DAAM1: variants seen among roughly 807,000 people sequenced by gnomAD.
DAAM1 encodes the protein disheveled-associated activator of morphogenesis 1.
Under a neutral mutation model 130.0 loss-of-function variants are expected in DAAM1, and 52 were observed. The ratio of observed to expected loss-of-function variants is 0.40; its 90% confidence interval spans 0.32 to 0.50. The LOEUF (loss-of-function observed/expected upper bound fraction) is 0.50. DAAM1 is among the 20% of genes least tolerant of loss of function. The pLI is 0.61. For synonymous variants in DAAM1, 452 were observed against 444.5 expected (o/e 1.02, Z -0.21); for missense variants, 1,134 against 1,303.8 (o/e 0.87, Z 2.01).
At chr14:59,306,207 C>T (rs911461771) in intron 3 of DAAM1, among the ~76,000 whole-genome samples, 3 of 152,138 alleles carry the variant, frequency 2.0e-5, no homozygotes, top group African/African-American at 7.2e-5. Context: ...CAGAACCTCT[C>T]AACTCTAAAG....
intron 21 of DAAM1, among the ~76,000 whole-genome samples, chr14:59,360,280 A>T (rs369222869): frequency 9.8e-5 from 15 of 152,360 alleles, no homozygotes; most frequent in African/African-American, 3.6e-4. Flanking sequence ...TAAAAAAAAG[A>T]TGAAAATAAA....
intron 1 of DAAM1, among the ~76,000 whole-genome samples, chr14:59,255,233 T>C (rs2139489042): frequency 6.6e-6 from 1 of 152,330 alleles, no homozygotes; most frequent in East Asian, 1.9e-4. Flanking sequence ...AACATCCTTT[T>C]GTGATCAAGT....
intron 1 of DAAM1, among the ~76,000 whole-genome samples, chr14:59,262,922 A>G (rs897674860): frequency 1.3e-5 from 2 of 152,202 alleles, no homozygotes; most frequent in Non-Finnish European, 2.9e-5. Flanking sequence ...ACCACAGCCT[A>G]ACAGGAAGAC....
intron 20 of DAAM1, among the ~76,000 whole-genome samples, chr14:59,357,602 C>T (rs1566722337): frequency 2.0e-5 from 3 of 152,252 alleles, no homozygotes; most frequent in Non-Finnish European, 4.4e-5. Context: ...CGTGGTGAAA[C>T]CTCGTCTCTA....
Position 59,355,248 on chromosome 14 carries a change from A to T in DAAM1, c.2440A>T (p.Met814Leu). The T allele has an allele frequency of 6.2e-7, 1 of 1,614,164 alleles. No homozygotes were observed. ...LEVVLAFGNYMNKGQRGNAYG... is the reference protein window; with the variant it reads ...LEVVLAFGNYLNKGQRGNAYG... ...GGTGGTTTTGGCATTTGGAAATTAT[A>T]TGAATAAAGGTCAAAGAGGGAATGC... Residue 814 changes from methionine to leucine, a missense_variant, in exon 20 of 25, where the codon ATG (methionine) becomes TTG (leucine). Met to Leu is a conservative substitution (Grantham distance 15). Transcript: ENST00000360909.
intron 21 of DAAM1, 75 bp downstream of exon 21, chr14:59,359,579 C>A: frequency 9.3e-7 from 1 of 1,078,810 alleles, no homozygotes; most frequent in Non-Finnish European, 1.4e-6. Flanking sequence ...GTTTGCACTG[C>A]ATGAAGTCAG....
At chr14:59,317,763 G>C (rs1011670087) in intron 4 of DAAM1, among the ~76,000 whole-genome samples, 3 of 152,122 alleles carry the variant, frequency 2.0e-5, no homozygotes, top group Non-Finnish European at 4.4e-5. Flanking sequence ...ATTAGGAGGT[G>C]GTCATCTAAT....
At chr14:59,308,528 A>G (rs1239590219) in intron 3 of DAAM1, among the ~76,000 whole-genome samples, 3 of 152,108 alleles carry the variant, frequency 2.0e-5, no homozygotes, top group Non-Finnish European at 2.9e-5. Context: ...TTAACAGTTC[A>G]TGAGAGTGCT....
At chr14:59,229,094 T>A (rs1889026938) in intron 1 of DAAM1, among the ~76,000 whole-genome samples, 1 of 152,236 alleles carries the variant, frequency 6.6e-6, no homozygotes, top group Non-Finnish European at 1.5e-5. Context: ...GGGCTGATTT[T>A]GAAGACTCCT....
At position 59,363,559 on chromosome 14, in the gene DAAM1, A is replaced by G. The variant is rs902917120; in HGVS notation, c.2695-92A>G. ...TTTGATGTGTTTGCCATTCTGATTT[A>G]TTAAATTTAAGGCATGTGAAATATG... On this transcript the variant is annotated intron_variant, in intron 22 of 24. Coordinates refer to ENST00000360909, the MANE Select transcript of DAAM1 (RefSeq NM_001270520.2). The G allele has an allele frequency of 5.2e-6, 8 of 1,543,020 alleles. No individual in the cohort carries two copies. The African/African-American group carries it at 1.1e-4, about 21-fold the overall frequency.
chr14:59,308,904 G>A (rs1474448968), intron 3 of DAAM1, among the ~76,000 whole-genome samples: 1 of 152,116 alleles, frequency 6.6e-6, no homozygotes, highest in African/African-American at 2.4e-5. Flanking sequence ...CATTCTTTGT[G>A]TGGGCCCAAC....
chr14:59,243,384 A>C (rs1881214971), intron 1 of DAAM1, among the ~76,000 whole-genome samples: 1 of 152,146 alleles, frequency 6.6e-6, no homozygotes, highest in Admixed American at 6.5e-5. Flanking sequence ...CTTTTTCTAG[A>C]GCAGCCTGAG....
chr14:59,302,500 C>T (rs1884211685), intron 3 of DAAM1, among the ~76,000 whole-genome samples: 1 of 152,096 alleles, frequency 6.6e-6, no homozygotes, highest in South Asian at 2.1e-4. Flanking sequence ...TCACTCACGC[C>T]TGCATTGGTG....
chr14:59,332,188 A>C (rs2139636967), intron 15 of DAAM1, among the ~76,000 whole-genome samples: 1 of 152,360 alleles, frequency 6.6e-6, no homozygotes, highest in South Asian at 2.1e-4. Context: ...GTATGCTGTC[A>C]CTTGTATTTA....
rs17833769 is a variant in DAAM1, at chr14:59,188,743, C to A, written c.-63C>A. On this transcript the variant is annotated 5_prime_UTR_variant, in exon 1 of 25. Coordinates refer to ENST00000360909, the MANE Select transcript of DAAM1 (RefSeq NM_001270520.2). Reference sequence around the variant, plus strand: ...CATTGTACCCAGAGTGCAGAGCCGCCTTTCCAGCATGCAGGGGCTGCTCAG... The same window carrying A: ...CATTGTACCCAGAGTGCAGAGCCGCATTTCCAGCATGCAGGGGCTGCTCAG... The A allele has an allele frequency of 0.16, 23,819 of 152,894 alleles. 2,267 individuals carry two copies. The highest frequency in any genetic ancestry group is 0.21 in the Non-Finnish European group (14,460 of 68,194). The allele number at this position is 152,894 out of a possible 1,614,324, so 9.5% of individuals were successfully genotyped here. A position where few individuals can be genotyped will look rare whatever the true frequency, so the allele number is the denominator to read the frequency against.
chr14:59,204,028 G>C (rs1434431082), intron 1 of DAAM1, among the ~76,000 whole-genome samples: 3 of 152,234 alleles, frequency 2.0e-5, no homozygotes, highest in African/African-American at 7.2e-5. Flanking sequence ...ACTTGGTGTT[G>C]ATGGGATCAT....
intron 1 of DAAM1, among the ~76,000 whole-genome samples, chr14:59,245,054 C>CGG (rs539570970): frequency 1.3e-4 from 20 of 151,850 alleles, no homozygotes; most frequent in African/African-American, 4.8e-4. Context: ...GGGAAAAGGA[C>CGG]GGGGGGGCCA....
At chr14:59,302,048 C>T (rs1196480002) in intron 3 of DAAM1, among the ~76,000 whole-genome samples, 1 of 152,136 alleles carries the variant, frequency 6.6e-6, no homozygotes, top group Non-Finnish European at 1.5e-5. Context: ...CTCATTGGAG[C>T]ATTTTGGATT....
intron 1 of DAAM1, among the ~76,000 whole-genome samples, chr14:59,204,648 A>C (rs1888206426): frequency 6.6e-6 from 1 of 152,238 alleles, no homozygotes; most frequent in African/African-American, 2.4e-5. Context: ...ATGGGGTATC[A>C]TTTAAAGTTC....
Sources: gnomAD v4.1 joint callset for allele counts (sites outside exome capture counted in the v4.1 genomes callset) on GRCh38, gnomAD v4.1.1 for gene constraint, MANE v1.5 for transcripts, NCBI Gene and HGNC (gene_info 2026-07-23, HGNC 2026-07-21) for gene names.